The following SLC38A10 variants were observed in gnomAD, a reference collection of about 807,000 sequenced individuals.
SLC38A10 encodes solute carrier family 38 member 10.
Under a neutral mutation model 81.0 loss-of-function variants are expected in SLC38A10, and 53 were observed. The ratio of observed to expected loss-of-function variants is 0.65; its 90% CI spans 0.53 to 0.82. SLC38A10 has a LOEUF of 0.82. SLC38A10 is among the 40% of genes least tolerant of loss of function. The pLI is 0.00. For missense variants in SLC38A10, 1,471 were observed against 1,545.0 expected (o/e 0.95, Z 0.80); for synonymous variants, 665 against 655.3 (o/e 1.01, Z -0.23).
chr17:81,246,376 G>C lies in SLC38A10; in HGVS notation c.2540C>G (p.Thr847Ser). ...QKDAAPRAAGTVKELPKGPEQ... is the reference protein window; with the variant it reads ...QKDAAPRAAGSVKELPKGPEQ... ...CGGGCCCTTGGGGAGCTCCTTCACA[G>C]TGCCAGCTGCCCTGGGGGCGGCATC... Residue 847 changes from threonine to serine, a missense_variant, in exon 16 of 16, where the codon ACT becomes AGT. Transcript: ENST00000374759. The C allele has an allele frequency of 6.2e-7, 1 of 1,601,708 alleles. No homozygotes were observed. Among genetic ancestry groups the C allele is most frequent in the South Asian group, 1.1e-5 (1 of 90,586 alleles).
rs762689128 is a variant in SLC38A10, at chr17:81,289,671, T to C, written c.217+20A>G. 1.4e-5 allele frequency: 22 copies of C among 1,587,610 alleles called. No individual in the cohort carries two copies. Among genetic ancestry groups the C allele is most frequent in the African/African-American group, 2.7e-5 (2 of 73,936 alleles). On this transcript the variant is annotated intron_variant, in intron 2 of 15. Transcript: ENST00000374759. The surrounding 1 kb of genome is among the most constrained non-coding windows in gnomAD (Gnocchi z 5.9). ...CCCCCGCCCCAGGTCCAGAGCCACC[T>C]TGTGGAGAGGGCGCCTCACCCAGGC...
At chr17:81,246,839 A>T (rs1267431674) in intron 15 of SLC38A10, 46 bp downstream of exon 15, 2 of 1,536,792 alleles carry the variant, frequency 1.3e-6, no homozygotes, top group African/African-American at 2.8e-5. Flanking sequence ...ACAGCAGGAG[A>T]CCCCCTGCCT....
At chr17:81,272,716 C>T in intron 8 of SLC38A10, 89 bp from the exon 9 acceptor site, 2 of 852,928 alleles carry the variant, frequency 2.3e-6, no homozygotes, top group Non-Finnish European at 3.5e-6. Flanking sequence ...CTCTGCCAGG[C>T]ACACCAGGCA....
At chr17:81,279,019 C>T (rs2063185612) in intron 6 of SLC38A10, among the ~76,000 whole-genome samples, 1 of 152,244 alleles carries the variant, frequency 6.6e-6, no homozygotes. Context: ...GGGGGACATG[C>T]TGAGCGCTGG....
At position 81,253,922 on chromosome 17, in the gene SLC38A10, C is replaced by A. The variant is rs1182611534; in HGVS notation, c.1289-682G>T. Among the ~76,000 whole-genome samples, 2 of 151,980 alleles carry A rather than the reference C, an allele frequency of 1.3e-5. No homozygotes were observed. The highest frequency in any genetic ancestry group is 2.9e-5 in the Non-Finnish European group (2 of 68,010). On this transcript the variant is annotated intron_variant, in intron 11 of 15. Transcript: ENST00000374759. The surrounding 1 kb of genome is among the most constrained non-coding windows in gnomAD (Gnocchi z 4.1). ...ATCACCACCATCACTGCCAACCCTA[C>A]CATCATTGCCATCACCTCCATTATC...
rs1214056640 is a variant in SLC38A10, at chr17:81,252,632, T to C, written c.1508A>G (p.His503Arg). Residue 503 changes from histidine (H) to arginine (R), a missense_variant, in exon 13 of 16, where the codon CAC (histidine) becomes CGC (arginine). Transcript: ENST00000374759. ...GCCTTCATCTACCACCACCTTGTCG[T>C]GAGGAACAGGAGGCTCGTGGCGGTG... ...EAHRHEPPVPHDKVVVDEGQD... is the reference protein window; with the variant it reads ...EAHRHEPPVPRDKVVVDEGQD... 6.2e-7 allele frequency: 1 copy of C among 1,612,238 alleles called. No individual in the cohort carries two copies. Among genetic ancestry groups the C allele is most frequent in the Non-Finnish European group, 8.5e-7 (1 of 1,179,924 alleles).
At chr17:81,250,864 G>C (rs1022844851) in intron 14 of SLC38A10, 9 of 1,048,806 alleles carry the variant, frequency 8.6e-6, no homozygotes, top group Non-Finnish European at 1.0e-5. Context: ...CCCAAGGGGC[G>C]AGAAGTTTGG....
In SLC38A10 at chr17:81,289,896, C is replaced by CT. The variant is rs1263533397; in HGVS notation, c.100-89dup. The CT allele has an allele frequency of 6.5e-6, 7 of 1,082,596 alleles. No homozygotes were observed. Among genetic ancestry groups the CT allele is most frequent in the Middle Eastern group, 3.1e-4 (1 of 3,194 alleles). The allele number at this position is 1,082,596 out of a possible 1,614,324, so 67.1% of individuals were successfully genotyped here. On this transcript the variant is annotated intron_variant, in intron 1 of 15. Coordinates refer to ENST00000374759, the MANE Select transcript of SLC38A10 (RefSeq NM_001037984.3). This position sits in a 1 kb window ranked among gnomAD's most constrained non-coding sequence, Gnocchi z 5.9. The stretch of plus-strand genomic sequence containing the variant: ...CACACACGCGGCTCATGAGGACCCT[C>CT]TTCACCCCCAGGCCCCGCTCCATCC...
chr17:81,259,803 C>T (rs1014335598), intron 11 of SLC38A10, among the ~76,000 whole-genome samples: 1 of 152,216 alleles, frequency 6.6e-6, no homozygotes, highest in South Asian at 2.1e-4. Flanking sequence ...ACTCCACCCA[C>T]GGTCCTGGTG....
chr17:81,266,987 G>A (rs2063075918), intron 10 of SLC38A10, among the ~76,000 whole-genome samples: 1 of 152,234 alleles, frequency 6.6e-6, no homozygotes, highest in Non-Finnish European at 1.5e-5. Context: ...CAAGAGGCGA[G>A]ATGAGAATTA....
Position 81,252,496 on chromosome 17 carries a change from CTCTCTT to C in SLC38A10, c.1638_1643del (p.Arg547_Glu548del). On this transcript the variant is annotated inframe_deletion, in exon 13 of 16. Transcript: ENST00000374759. ...CCTCTCCCTGCTCCGGCTCTTGTTT[CTCTCTT>C]TCTGAGTCGGGCAGAGGCGGCGCCA... 2 of 1,613,452 alleles carry C rather than the reference CTCTCTT, an allele frequency of 1.2e-6. No individual in the cohort carries two copies. The highest frequency in any genetic ancestry group is 1.7e-5 in the Admixed American group (1 of 59,996).
intron 11 of SLC38A10, 43 bp downstream of exon 11, chr17:81,260,195 G>A (rs1352338000): frequency 6.4e-7 from 1 of 1,556,802 alleles, no homozygotes; most frequent in Non-Finnish European, 8.7e-7. Flanking sequence ...ACACCCAGTG[G>A]GCACTTGCCC....
intron 14 of SLC38A10, among the ~76,000 whole-genome samples, chr17:81,247,982 G>C (rs2062869460): frequency 7.5e-6 from 1 of 132,830 alleles, no homozygotes; most frequent in Non-Finnish European, 1.6e-5. Flanking sequence ...TTTGAGACGG[G>C]AGTCTCACTC....
chr17:81,277,209 C>G lies in SLC38A10; in HGVS notation c.627-76G>C. On this transcript the variant is annotated intron_variant, in intron 6 of 15. Transcript: ENST00000374759. This position sits in a 1 kb window ranked among gnomAD's most constrained non-coding sequence, Gnocchi z 4.5. ...CCCAGCGGCTCCACTTCTAGGACCT[C>G]TCTGCAGCCCAGTGAGAGTCTCTGA... 1 of 1,286,022 alleles carries G rather than the reference C, an allele frequency of 7.8e-7. No homozygotes were observed. Among genetic ancestry groups the G allele is most frequent in the Admixed American group, 1.8e-5 (1 of 55,852 alleles). 79.7% of individuals were successfully genotyped at this position (1,286,022 alleles called of 1,614,324 possible).
intron 10 of SLC38A10, among the ~76,000 whole-genome samples, chr17:81,260,759 G>A (rs932173794): frequency 3.9e-5 from 6 of 152,228 alleles, no homozygotes; most frequent in African/African-American, 1.4e-4. Context: ...TCAGGACGGA[G>A]CGGGAGGGAC....
intron 14 of SLC38A10, among the ~76,000 whole-genome samples, chr17:81,249,178 A>G (rs896973355): frequency 2.8e-5 from 4 of 143,338 alleles, no homozygotes; most frequent in African/African-American, 1.0e-4. Flanking sequence ...GAAGAGGAGG[A>G]AAGAGGAGAC....
intron 11 of SLC38A10, among the ~76,000 whole-genome samples, chr17:81,254,327 C>A (rs57776502): frequency 0.056 from 8,549 of 152,324 alleles, 308 homozygotes; most frequent in Middle Eastern, 0.088. Context: ...CAGACAGTTA[C>A]ACTGTTGTCA....
chr17:81,284,273 G>A (rs529576883), intron 3 of SLC38A10, among the ~76,000 whole-genome samples: 26 of 152,182 alleles, frequency 1.7e-4, no homozygotes, highest in Middle Eastern at 3.4e-3. Context: ...CAGGAGAATC[G>A]CTTAAACCTG....
intron 14 of SLC38A10, among the ~76,000 whole-genome samples, chr17:81,248,720 T>C (rs1371133361): frequency 6.6e-6 from 1 of 152,222 alleles, no homozygotes; most frequent in African/African-American, 2.4e-5. Context: ...GCCTCCCCAG[T>C]GGTGACACCA....
Sources: gnomAD v4.1 joint callset for allele counts (sites outside exome capture counted in the v4.1 genomes callset) on GRCh38, gnomAD v4.1.1 for gene constraint, Gnocchi (gnomAD v3.1) non-coding constraint, MANE v1.5 for transcripts, NCBI Gene and HGNC (gene_info 2026-07-23, HGNC 2026-07-21) for gene names.